The following CDH20 variants were observed in gnomAD, a reference collection of about 807,000 sequenced individuals.
CDH20 encodes cadherin 20.
Under a neutral mutation model 74.2 loss-of-function variants are expected in CDH20, and 29 were observed. The ratio of observed to expected loss-of-function variants is 0.39; its 90% CI spans 0.29 to 0.53. The LOEUF (loss-of-function observed/expected upper bound fraction) is 0.53, where lower values mean the gene tolerates loss of function less well. CDH20 is among the 20% of genes least tolerant of loss of function. The pLI, the probability that CDH20 is intolerant of heterozygous loss-of-function variation, is 0.69. For synonymous variants in CDH20, 469 were observed against 405.4 expected (o/e 1.16, Z -1.88); for missense variants, 988 against 1,048.3 (o/e 0.94, Z 0.79).
intron 3 of CDH20, among the ~76,000 whole-genome samples, 180 bp downstream of exon 3, chr18:61,499,660 A>C (rs574081155): frequency 4.5e-4 from 69 of 152,350 alleles, no homozygotes; most frequent in African/African-American, 1.5e-3. Context: ...TTTGGCTGGC[A>C]GGAAGCTATA....
intron 7 of CDH20, among the ~76,000 whole-genome samples, chr18:61,535,714 C>T (rs77334407): frequency 0.02 from 3,084 of 152,248 alleles, 100 homozygotes; most frequent in African/African-American, 0.069. Flanking sequence ...GCATGTTGGT[C>T]CAGACTGAAC....
chr18:61,449,222 T>C (rs1377497097), intron 1 of CDH20, among the ~76,000 whole-genome samples: 1 of 152,112 alleles, frequency 6.6e-6, no homozygotes, highest in Non-Finnish European at 1.5e-5. Flanking sequence ...CTTGTCCACA[T>C]AAAATTGAAA....
intron 1 of CDH20, among the ~76,000 whole-genome samples, chr18:61,371,615 T>C (rs1298344880): frequency 6.6e-6 from 1 of 152,060 alleles, no homozygotes; most frequent in African/African-American, 2.4e-5. Context: ...GCCCTCTGTG[T>C]CACTACACAA....
intron 1 of CDH20, among the ~76,000 whole-genome samples, chr18:61,477,039 G>C (rs999474195): frequency 9.9e-5 from 15 of 152,182 alleles, no homozygotes; most frequent in African/African-American, 3.6e-4. Flanking sequence ...TACTAAACTA[G>C]AGAACACTAC....
At chr18:61,478,186 G>A (rs929463324) in intron 1 of CDH20, among the ~76,000 whole-genome samples, 6 of 149,106 alleles carry the variant, frequency 4.0e-5, no homozygotes, top group African/African-American at 7.4e-5. Context: ...GCAACAGAGC[G>A]AGACTCTGTC....
intron 2 of CDH20, among the ~76,000 whole-genome samples, chr18:61,494,137 C>T (rs1003641294): frequency 2.6e-5 from 4 of 152,112 alleles, no homozygotes; most frequent in African/African-American, 7.2e-5. Flanking sequence ...AAAGTTAGAC[C>T]GAAGGTAGCA....
chr18:61,519,568 T>G (rs1213848370), intron 6 of CDH20, among the ~76,000 whole-genome samples: 2 of 151,194 alleles, frequency 1.3e-5, no homozygotes, highest in Non-Finnish European at 2.9e-5. Context: ...GACAAGCAAA[T>G]GCTGAGACAT....
chr18:61,349,051 G>A (rs1016431244), intron 1 of CDH20, among the ~76,000 whole-genome samples: 48 of 152,132 alleles, frequency 3.2e-4, no homozygotes, highest in African/African-American at 1.2e-3. Context: ...AAGACTGTGG[G>A]GGTTGAAATG....
intron 2 of CDH20, among the ~76,000 whole-genome samples, chr18:61,494,460 C>T (rs1911063678): frequency 6.6e-6 from 1 of 152,176 alleles, no homozygotes; most frequent in African/African-American, 2.4e-5. Flanking sequence ...ATACCAGCAA[C>T]CAAGCGAAGA....
chr18:61,350,193 T>C (rs766040337), intron 1 of CDH20, among the ~76,000 whole-genome samples: 1 of 152,158 alleles, frequency 6.6e-6, no homozygotes, highest in African/African-American at 2.4e-5. Context: ...TGCTTAGCAG[T>C]GTTTATTGCT....
chr18:61,439,070 T>C (rs1908937866), intron 1 of CDH20, among the ~76,000 whole-genome samples: 1 of 151,922 alleles, frequency 6.6e-6, no homozygotes, highest in South Asian at 2.1e-4. Flanking sequence ...AACATAAAGA[T>C]GAGAACAATA....
intron 9 of CDH20, among the ~76,000 whole-genome samples, chr18:61,540,481 A>G (rs549748803): frequency 9.1e-4 from 139 of 152,292 alleles, no homozygotes; most frequent in African/African-American, 2.6e-3. Flanking sequence ...GGCGAAAGGC[A>G]CATCTTACAT....
chr18:61,535,544 C>T (rs892818274), intron 7 of CDH20, among the ~76,000 whole-genome samples: 1 of 151,988 alleles, frequency 6.6e-6, no homozygotes, highest in African/African-American at 2.4e-5. Flanking sequence ...ATTGGATTGC[C>T]AAATCAGGTT....
At chr18:61,343,472 G>C (rs531215732) in intron 1 of CDH20, among the ~76,000 whole-genome samples, 2 of 152,254 alleles carry the variant, frequency 1.3e-5, no homozygotes, top group Non-Finnish European at 2.9e-5. Flanking sequence ...AGACCGCTCT[G>C]CTGGAGAAAG....
At chr18:61,336,826 G>GA (rs369042580) in intron 1 of CDH20, among the ~76,000 whole-genome samples, 2 of 149,304 alleles carry the variant, frequency 1.3e-5, no homozygotes, top group Non-Finnish European at 3.0e-5. Flanking sequence ...ATGGGGGGGG[G>GA]TGATGAGAAT....
intron 10 of CDH20, among the ~76,000 whole-genome samples, chr18:61,547,113 G>A (rs1173485968): frequency 1.3e-5 from 2 of 152,176 alleles, no homozygotes; most frequent in African/African-American, 4.8e-5. Flanking sequence ...AGGGTCACCT[G>A]AGGCCAGGAG....
intron 4 of CDH20, among the ~76,000 whole-genome samples, chr18:61,501,713 G>GA (rs1803347620): frequency 6.6e-6 from 1 of 152,090 alleles, no homozygotes; most frequent in Non-Finnish European, 1.5e-5. Flanking sequence ...GAGGAGGAAA[G>GA]AAAAAAGATT....
intron 1 of CDH20, among the ~76,000 whole-genome samples, chr18:61,419,710 T>G (rs1568132118): frequency 6.6e-6 from 1 of 152,204 alleles, no homozygotes; most frequent in Admixed American, 6.5e-5. Flanking sequence ...GGTCATGATT[T>G]TCACACCTTC....
At chr18:61,533,168 T>C (rs147986973) in intron 7 of CDH20, among the ~76,000 whole-genome samples, 1 of 152,020 alleles carries the variant, frequency 6.6e-6, no homozygotes, top group Non-Finnish European at 1.5e-5. Flanking sequence ...ATTATCCAGG[T>C]GGGGTGGTAC....
Sources: gnomAD v4.1 joint callset for allele counts (sites outside exome capture counted in the v4.1 genomes callset) on GRCh38, gnomAD v4.1.1 for gene constraint, MANE v1.5 for transcripts, NCBI Gene and HGNC (gene_info 2026-07-23, HGNC 2026-07-21) for gene names.